The following PDE4D variants were observed in gnomAD, a reference collection of about 807,000 sequenced individuals.
The protein encoded by PDE4D is phosphodiesterase 4D.
A neutral mutation model predicts 87.4 loss-of-function variants in PDE4D; 24 were observed. The ratio of observed to expected loss-of-function variants is 0.27; its 90% CI spans 0.20 to 0.39. PDE4D has a LOEUF of 0.39. Ranked by LOEUF, PDE4D falls within the 10% of genes least tolerant of loss-of-function variation. The pLI is 1.00. For missense variants in PDE4D, 714 were observed against 1,041.0 expected (o/e 0.69, Z 4.32); for synonymous variants, 384 against 383.2 (o/e 1.00, Z -0.02).
chr5:59,636,563 C>A (rs1832275303), intron 1 of PDE4D, among the ~76,000 whole-genome samples: 1 of 152,110 alleles, frequency 6.6e-6, no homozygotes, highest in Admixed American at 6.5e-5. Flanking sequence ...GGTATATAGA[C>A]CAATGGAACA....
intron 1 of PDE4D, among the ~76,000 whole-genome samples, chr5:59,838,525 T>C (rs1272660936): frequency 2.0e-5 from 3 of 152,084 alleles, no homozygotes; most frequent in Admixed American, 2.0e-4. Context: ...ACTTCCATCC[T>C]ACTAGGCTAG....
intron 1 of PDE4D, among the ~76,000 whole-genome samples, chr5:59,421,067 T>C (rs968370435): frequency 6.6e-6 from 1 of 152,194 alleles, no homozygotes; most frequent in Admixed American, 6.6e-5. Flanking sequence ...TAATTCCTCA[T>C]AGACTATGAC....
intron 1 of PDE4D, among the ~76,000 whole-genome samples, chr5:59,621,275 T>C (rs1830322604): frequency 6.6e-6 from 1 of 152,202 alleles, no homozygotes; most frequent in African/African-American, 2.4e-5. Context: ...AGAGGTTGTA[T>C]ATTAGCAATA....
intron 1 of PDE4D, among the ~76,000 whole-genome samples, chr5:60,325,232 G>T (rs1199196121): frequency 6.6e-6 from 1 of 152,164 alleles, no homozygotes; most frequent in Non-Finnish European, 1.5e-5. Flanking sequence ...CTTAATGACT[G>T]GTCTGACAGG....
intron 1 of PDE4D, among the ~76,000 whole-genome samples, chr5:59,467,072 C>T (rs181440642): frequency 9.9e-5 from 15 of 152,164 alleles, no homozygotes; most frequent in East Asian, 1.9e-4. Flanking sequence ...GGAAAGACCC[C>T]GTGAAGGAAT....
At chr5:60,179,772 T>G (rs1490618801) in intron 2 of PDE4D, among the ~76,000 whole-genome samples, 2 of 152,168 alleles carry the variant, frequency 1.3e-5, no homozygotes, top group African/African-American at 4.8e-5. Context: ...CATTTGCCAT[T>G]TCAATAGTGA....
intron 9 of PDE4D, among the ~76,000 whole-genome samples, chr5:58,990,182 T>G (rs1747552683): frequency 6.6e-6 from 1 of 152,152 alleles, no homozygotes; most frequent in African/African-American, 2.4e-5. Flanking sequence ...AGGTGCCAAC[T>G]CTAAAAGTTT....
intron 1 of PDE4D, among the ~76,000 whole-genome samples, chr5:59,515,099 A>G (rs1810932091): frequency 6.6e-6 from 1 of 152,230 alleles, no homozygotes; most frequent in African/African-American, 2.4e-5. Context: ...AAACCACAGA[A>G]AATTATTCAA....
At chr5:59,520,480 A>G (rs1428568951) in intron 1 of PDE4D, among the ~76,000 whole-genome samples, 1 of 152,144 alleles carries the variant, frequency 6.6e-6, no homozygotes, top group African/African-American at 2.4e-5. Flanking sequence ...CACAGTAGGT[A>G]TTTGGGGCAA....
chr5:59,993,771 C>T (rs6885491), intron 2 of PDE4D, among the ~76,000 whole-genome samples: 94,967 of 151,808 alleles, frequency 0.63, 32,195 homozygotes, highest in East Asian at 0.83. Flanking sequence ...ATTCACCTTG[C>T]TATTGATGGG....
chr5:60,381,243 G>C (rs1010607990), intron 1 of PDE4D, among the ~76,000 whole-genome samples: 6 of 152,150 alleles, frequency 3.9e-5, no homozygotes, highest in Admixed American at 1.3e-4. Context: ...TATGTGGCTG[G>C]CCTCCATTAA....
At chr5:59,149,741 A>G (rs999034389) in intron 5 of PDE4D, among the ~76,000 whole-genome samples, 1 of 114,730 alleles carries the variant, frequency 8.7e-6, no homozygotes, top group African/African-American at 3.4e-5. Flanking sequence ...CGGTCAACAG[A>G]TTTGGTACCA....
chr5:59,872,300 C>CACACACACACACACA (rs10693446), intron 1 of PDE4D, among the ~76,000 whole-genome samples: 58 of 146,972 alleles, frequency 3.9e-4, no homozygotes, highest in African/African-American at 1.4e-3. Flanking sequence ...CACACACACA[C>CACACACACACACACA]AAGAGCACAC....
chr5:58,982,593 A>G lies in PDE4D; in HGVS notation c.1553-5248T>C, dbSNP rs149123813. On this transcript the variant is annotated intron_variant, in intron 11 of 14. Coordinates refer to ENST00000340635, the MANE Select transcript of PDE4D (RefSeq NM_001104631.2). ...CCCTTTCCACCATGGAAGTGGTCCA[A>G]TGTAATCAACCAGCCATCAGGTAGC... is the stretch of plus-strand genomic sequence containing the variant. 9.1e-4 allele frequency among the ~76,000 whole-genome samples: 139 copies of G among 152,316 alleles called. 2 individuals are homozygous for G. Among genetic ancestry groups the G allele is most frequent in the African/African-American group, 3.1e-3 (127 of 41,566 alleles).
At chr5:59,991,812 AG>A (rs745802646) in intron 2 of PDE4D, among the ~76,000 whole-genome samples, 6 of 152,330 alleles carry the variant, frequency 3.9e-5, no homozygotes, top group Non-Finnish European at 8.8e-5. Flanking sequence ...GATTGGAAAC[AG>A]GTCATGATTA....
chr5:60,033,583 C>T (rs1204246087), intron 2 of PDE4D, among the ~76,000 whole-genome samples: 1 of 152,158 alleles, frequency 6.6e-6, no homozygotes, highest in Non-Finnish European at 1.5e-5. Flanking sequence ...AGGTAATCTC[C>T]ATTAATTGTA....
Position 59,185,281 on chromosome 5 carries a change from C to T in PDE4D, c.685-19G>A, listed in dbSNP as rs1243567752. ...CCAAGACCTACAACAAGAAAGGATT[C>T]TTGAAACTTCTTGAGCTAAGGCCAT... On this transcript the variant is annotated intron_variant, in intron 3 of 14. Coordinates refer to ENST00000340635, the MANE Select transcript of PDE4D (RefSeq NM_001104631.2). 6.4e-7 allele frequency: 1 copy of T among 1,574,696 alleles called. No individual in the cohort carries two copies. The highest frequency in any genetic ancestry group is 8.7e-7 in the Non-Finnish European group (1 of 1,152,406).
chr5:59,975,266 C>T (rs764968965), intron 3 of PDE4D, among the ~76,000 whole-genome samples: 9 of 152,116 alleles, frequency 5.9e-5, no homozygotes, highest in Non-Finnish European at 1.2e-4. Context: ...CCTCATGCCC[C>T]GATCTCTCAG....
intron 3 of PDE4D, among the ~76,000 whole-genome samples, chr5:59,944,102 G>A (rs563980999): frequency 2.0e-5 from 3 of 152,218 alleles, no homozygotes; most frequent in Non-Finnish European, 4.4e-5. Context: ...CAGGAAATTT[G>A]TCTCAACTCA....
Sources: gnomAD v4.1 joint callset for allele counts (sites outside exome capture counted in the v4.1 genomes callset) on GRCh38, gnomAD v4.1.1 for gene constraint, MANE v1.5 for transcripts, NCBI Gene and HGNC (gene_info 2026-07-23, HGNC 2026-07-21) for gene names.